PRKG1: variants seen among roughly 807,000 people sequenced by gnomAD.
PRKG1 encodes protein kinase cGMP-dependent 1.
Under a neutral mutation model 88.1 loss-of-function variants are expected in PRKG1, and 35 were observed. That is an observed-to-expected ratio of 0.40 (90% CI 0.30 to 0.53). The LOEUF (loss-of-function observed/expected upper bound fraction) is 0.53. PRKG1 is among the 20% of genes least tolerant of loss of function. The probability of loss-of-function intolerance (pLI) is 0.59; values close to 1 mark genes in which losing one functional copy is unlikely to be tolerated. For synonymous variants in PRKG1, 303 were observed against 292.5 expected, an observed-to-expected ratio of 1.04 and a Z score of -0.37; for missense variants, 540 against 839.8, an observed-to-expected ratio of 0.64 and a Z score of 4.41.
chr10:51,608,785 T>TA (rs1339657047), intron 3 of PRKG1, among the ~76,000 whole-genome samples: 2 of 152,202 alleles, frequency 1.3e-5, no homozygotes, highest in African/African-American at 4.8e-5. Flanking sequence ...AACATTATAA[T>TA]AGAGTTGAAA....
intron 3 of PRKG1, among the ~76,000 whole-genome samples, chr10:51,660,705 T>A (rs757577257): frequency 1.3e-5 from 2 of 152,086 alleles, no homozygotes; most frequent in African/African-American, 2.4e-5. Context: ...GATTCAGAGC[T>A]GAAAATGAAA....
intron 3 of PRKG1, among the ~76,000 whole-genome samples, chr10:51,511,990 A>T (rs1355419560): frequency 4.6e-5 from 7 of 152,186 alleles, no homozygotes; most frequent in Admixed American, 1.3e-4. Flanking sequence ...AAATGAACTA[A>T]AAAATAGATA....
intron 3 of PRKG1, among the ~76,000 whole-genome samples, chr10:51,777,083 C>T (rs1216175467): frequency 6.6e-6 from 1 of 151,996 alleles, no homozygotes; most frequent in Non-Finnish European, 1.5e-5. Context: ...TTATAGTTTA[C>T]TTTTTAATTG....
chr10:51,543,437 C>A (rs1160343214), intron 3 of PRKG1, among the ~76,000 whole-genome samples: 1 of 152,134 alleles, frequency 6.6e-6, no homozygotes, highest in African/African-American at 2.4e-5. Context: ...AAACTATAAT[C>A]ACAGGCTACA....
intron 1 of PRKG1, among the ~76,000 whole-genome samples, chr10:51,001,628 A>T (rs1372923910): frequency 6.6e-6 from 1 of 152,220 alleles, no homozygotes; most frequent in Non-Finnish European, 1.5e-5. Flanking sequence ...GCAAACATCC[A>T]CTTTTCTTTC....
chr10:52,272,018 T>A (rs560563011), intron 11 of PRKG1, among the ~76,000 whole-genome samples: 125 of 152,190 alleles, frequency 8.2e-4, no homozygotes, highest in African/African-American at 2.7e-3. Context: ...AATTTATACA[T>A]GTCTGAATCT....
rs554815159 is a variant in PRKG1, at chr10:51,837,439, C to T, written c.698+32749C>T. On this transcript the variant is annotated intron_variant, in intron 4 of 17. Coordinates refer to ENST00000373980, the MANE Select transcript of PRKG1 (RefSeq NM_006258.4). ...AAACTGTTTACCTTTCTGGTTTCAT[C>T]TCTTGCTGTTTGCTACCACACATTT... Among the ~76,000 whole-genome samples the T allele has an allele frequency of 3.3e-5, 5 of 152,220 alleles. No homozygotes were observed. The East Asian group carries it at 9.7e-4, about 29-fold the overall frequency.
chr10:51,010,500 G>A (rs2132723391), intron 1 of PRKG1, among the ~76,000 whole-genome samples: 2 of 152,284 alleles, frequency 1.3e-5, no homozygotes, highest in Middle Eastern at 6.8e-3. Flanking sequence ...ACATAATTGT[G>A]TGTATCTATG....
At chr10:52,131,874 A>ATGTG (rs1390969661) in intron 7 of PRKG1, among the ~76,000 whole-genome samples, 1 of 148,688 alleles carries the variant, frequency 6.7e-6, no homozygotes, top group African/African-American at 2.5e-5. Flanking sequence ...AAGGCAGGGA[A>ATGTG]TGTGAGGGAG....
intron 2 of PRKG1, among the ~76,000 whole-genome samples, chr10:51,264,973 GA>G (rs1022498698): frequency 5.9e-5 from 9 of 152,066 alleles, no homozygotes; most frequent in African/African-American, 2.2e-4. Context: ...CGTCAATGCT[GA>G]AAAATAAGAT....
At chr10:51,536,634 C>A (rs530588963) in intron 3 of PRKG1, among the ~76,000 whole-genome samples, 17 of 151,926 alleles carry the variant, frequency 1.1e-4, no homozygotes, top group African/African-American at 3.6e-4. Flanking sequence ...AATGGTACTT[C>A]CTATGTTTTC....
At chr10:52,160,083 T>C (rs1838237103) in intron 8 of PRKG1, among the ~76,000 whole-genome samples, 1 of 151,880 alleles carries the variant, frequency 6.6e-6, no homozygotes, top group South Asian at 2.1e-4. Context: ...TTTCTTATTA[T>C]CTAAAAAACC....
intron 3 of PRKG1, among the ~76,000 whole-genome samples, chr10:51,740,892 A>G (rs1468913805): frequency 2.6e-5 from 4 of 151,842 alleles, no homozygotes; most frequent in Admixed American, 6.6e-5. Flanking sequence ...ATATTTGCCA[A>G]CCTGCATTGA....
At chr10:52,220,262 A>C (rs1449102697) in intron 9 of PRKG1, among the ~76,000 whole-genome samples, 1 of 152,102 alleles carries the variant, frequency 6.6e-6, no homozygotes, top group East Asian at 1.9e-4. Context: ...TATCATGAAG[A>C]CACTTAGGCA....
intron 3 of PRKG1, among the ~76,000 whole-genome samples, chr10:51,589,966 G>C (rs1262628021): frequency 6.6e-6 from 1 of 152,130 alleles, no homozygotes; most frequent in Non-Finnish European, 1.5e-5. Context: ...ATGATGAATA[G>C]GAGATCATAG....
chr10:51,737,197 A>G (rs1837301675), intron 3 of PRKG1, among the ~76,000 whole-genome samples: 1 of 152,164 alleles, frequency 6.6e-6, no homozygotes, highest in Admixed American at 6.5e-5. Flanking sequence ...GAAATCAGTT[A>G]TGGTCTTTTC....
intron 4 of PRKG1, among the ~76,000 whole-genome samples, chr10:51,905,328 A>G (rs1383722453): frequency 1.3e-5 from 2 of 152,174 alleles, no homozygotes; most frequent in East Asian, 3.9e-4. Flanking sequence ...TTCATCAATA[A>G]GCCTTACCCT....
At chr10:51,291,153 G>T (rs1840572745) in intron 2 of PRKG1, among the ~76,000 whole-genome samples, 1 of 152,110 alleles carries the variant, frequency 6.6e-6, no homozygotes, top group South Asian at 2.1e-4. Context: ...CTGAAGCATT[G>T]TTATGAAAGT....
At chr10:51,266,854 T>C (rs1009920990) in intron 2 of PRKG1, among the ~76,000 whole-genome samples, 6 of 152,236 alleles carry the variant, frequency 3.9e-5, no homozygotes, top group Non-Finnish European at 8.8e-5. Context: ...CTATTTTCTA[T>C]ACTCAATTAT....
Sources: gnomAD v4.1 joint callset for allele counts (sites outside exome capture counted in the v4.1 genomes callset) on GRCh38, gnomAD v4.1.1 for gene constraint, MANE v1.5 for transcripts, NCBI Gene and HGNC (gene_info 2026-07-23, HGNC 2026-07-21) for gene names.